Variants in KLRG2 observed in about 807,000 individuals in gnomAD.
KLRG2 encodes killer cell lectin-like receptor subfamily G member 2.
Under a neutral mutation model 35.4 loss-of-function variants are expected in KLRG2, and 39 were observed. That is an observed-to-expected ratio of 1.10 (90% CI 0.85 to 1.44). The LOEUF is 1.44. KLRG2 is among the 40% of genes most tolerant of loss of function. The pLI, the probability that KLRG2 is intolerant of heterozygous loss-of-function variation, is 0.00. For missense variants in KLRG2, 632 were observed against 570.9 expected, an observed-to-expected ratio of 1.11 and a Z score of -1.09; for synonymous variants, 283 against 265.8, an observed-to-expected ratio of 1.06 and a Z score of -0.63.
the KLRG2 span, among the ~76,000 whole-genome samples, chr7:139,430,098 CATT>C: frequency 1.3e-5 from 2 of 152,164 alleles, no homozygotes; most frequent in Non-Finnish European, 2.9e-5. Flanking sequence ...CATCATTGCT[CATT>C]ATGAAATGAA....
Position 139,479,616 on chromosome 7 carries a change from C to A in KLRG2, c.1005+11G>T. The A allele has an allele frequency of 6.2e-7, 1 of 1,610,098 alleles. No individual in the cohort carries two copies. The highest frequency in any genetic ancestry group is 8.5e-7 in the Non-Finnish European group (1 of 1,179,474). On this transcript the variant is annotated intron_variant, in intron 3 of 4. Transcript: ENST00000340940. ...ATCTGTACCCCCTTAGATTGGACAC[C>A]CCCTTCTCACCTGGGTGTGGCTTAG...
In KLRG2 at chr7:139,483,281, G is replaced by C; in HGVS notation, c.362C>G (p.Pro121Arg). ...GCGCACATCTACCTGCAGCTCCATG[G>C]GCGCCCAGGCGCTGGGCGCAGGCTC... is the stretch of plus-strand genomic sequence containing the variant. ...GAEPAPSAWA[P>R]MELQVDVRVK... Residue 121 changes from proline (P) to arginine (R), a missense_variant, in exon 1 of 5, where the codon CCC (proline) becomes CGC (arginine). Transcript: ENST00000340940. The C allele has an allele frequency of 3.8e-6, 6 of 1,558,766 alleles. No individual in the cohort carries two copies. The highest frequency in any genetic ancestry group is 5.2e-6 in the Non-Finnish European group (6 of 1,163,902).
chr7:139,443,414 A>C, the KLRG2 span, among the ~76,000 whole-genome samples: 2 of 152,184 alleles, frequency 1.3e-5, no homozygotes, highest in African/African-American at 4.8e-5. Context: ...AAATAAAATA[A>C]GGCAAGAGGG....
chr7:139,447,338 C>G, the KLRG2 span, among the ~76,000 whole-genome samples: 1 of 152,018 alleles, frequency 6.6e-6, no homozygotes, highest in Non-Finnish European at 1.5e-5. Context: ...TGGCCTATTA[C>G]TCCTAAGCCA....
intron 3 of KLRG2, among the ~76,000 whole-genome samples, chr7:139,476,838 C>T (rs1478228002): frequency 6.6e-6 from 1 of 152,164 alleles, no homozygotes; most frequent in Non-Finnish European, 1.5e-5. Flanking sequence ...TCTCGTAGCA[C>T]TGTGCACCGT....
intron 3 of KLRG2, among the ~76,000 whole-genome samples, chr7:139,470,841 CT>C (rs879394340): frequency 4.5e-3 from 637 of 141,280 alleles, no homozygotes; most frequent in Middle Eastern, 7.3e-3. Flanking sequence ...CAGCACATTC[CT>C]TTTTTTTTTT....
At chr7:139,458,051 T>G (rs562606915) in intron 3 of KLRG2, among the ~76,000 whole-genome samples, 16 of 152,198 alleles carry the variant, frequency 1.1e-4, no homozygotes, top group Admixed American at 1.0e-3. Flanking sequence ...TTGTTTCCTA[T>G]GCCTTCATAC....
intron 1 of KLRG2, among the ~76,000 whole-genome samples, chr7:139,481,331 AT>A (rs1036873435): frequency 1.3e-5 from 2 of 152,208 alleles, no homozygotes; most frequent in African/African-American, 4.8e-5. Context: ...GTTTGTGGTA[AT>A]TTGTTACAAC....
chr7:139,461,902 CA>C (rs1796575638), intron 3 of KLRG2, among the ~76,000 whole-genome samples: 1 of 152,168 alleles, frequency 6.6e-6, no homozygotes, highest in Non-Finnish European at 1.5e-5. Flanking sequence ...CTTGGGAGAT[CA>C]ATCCCCTGTC....
chr7:139,455,679 G>T (rs1305227115), intron 3 of KLRG2, among the ~76,000 whole-genome samples: 1 of 152,160 alleles, frequency 6.6e-6, no homozygotes, highest in Non-Finnish European at 1.5e-5. Flanking sequence ...GTGGGGACGT[G>T]GTGGAGGGGG....
At chr7:139,470,068 T>C (rs947102852) in intron 3 of KLRG2, among the ~76,000 whole-genome samples, 1 of 152,064 alleles carries the variant, frequency 6.6e-6, no homozygotes, top group Non-Finnish European at 1.5e-5. Flanking sequence ...CAATTCTTTT[T>C]TTTTTTTTTG....
intron 3 of KLRG2, among the ~76,000 whole-genome samples, chr7:139,468,645 C>T (rs1018556597): frequency 3.9e-5 from 6 of 152,110 alleles, no homozygotes; most frequent in Non-Finnish European, 5.9e-5. Context: ...TTCACACGGA[C>T]GTGAGTGAAA....
At chr7:139,434,941 A>G in the KLRG2 span, among the ~76,000 whole-genome samples, 1 of 152,188 alleles carries the variant, frequency 6.6e-6, no homozygotes, top group Non-Finnish European at 1.5e-5. Flanking sequence ...CTTCACAACA[A>G]TAAATCTATA....
chr7:139,448,149 C>A (rs1309874661), downstream of KLRG2, among the ~76,000 whole-genome samples: 3 of 152,180 alleles, frequency 2.0e-5, no homozygotes, highest in East Asian at 5.8e-4. Context: ...CTGGGGGCCA[C>A]CACGCCCAGC....
At chr7:139,472,630 A>C (rs1413136727) in intron 3 of KLRG2, among the ~76,000 whole-genome samples, 1 of 151,998 alleles carries the variant, frequency 6.6e-6, no homozygotes, top group East Asian at 1.9e-4. Flanking sequence ...GAGAAACATC[A>C]ACATTTTGGA....
the KLRG2 span, among the ~76,000 whole-genome samples, chr7:139,439,546 C>CCG: frequency 6.6e-6 from 1 of 152,192 alleles, no homozygotes; most frequent in Admixed American, 6.5e-5. Flanking sequence ...AGCAGAGCAG[C>CCG]CGACACTCAT....
Position 139,483,173 on chromosome 7 carries a change from T to C in KLRG2, c.470A>G (p.Glu157Gly). ...CGCGTGGCGGGAGAAGGCAGGGGACTCGGGCACCGGCACCTTGAGGAAGCG... is the reference window on the plus strand; with the variant it reads ...CGCGTGGCGGGAGAAGGCAGGGGACCCGGGCACCGGCACCTTGAGGAAGCG... ...STRFLKVPVP[E>G]SPAFSRHADP... The change falls in exon 1 of 5, where the codon GAG (glutamate) becomes GGG (glycine). Residue 157 changes from glutamate to glycine, a missense_variant. By Grantham distance (98) the Glu-to-Gly change is moderately conservative. Transcript: ENST00000340940. 2 of 1,503,862 alleles carry C rather than the reference T, an allele frequency of 1.3e-6. No homozygotes were observed. Among genetic ancestry groups the C allele is most frequent in the Non-Finnish European group, 1.8e-6 (2 of 1,133,764 alleles). The allele number at this position is 1,503,862 out of a possible 1,614,324, so 93.2% of individuals were successfully genotyped here. A position where few individuals can be genotyped will look rare whatever the true frequency, so the allele number is the denominator to read the frequency against.
chr7:139,449,781 G>C (rs1175949776), downstream of KLRG2, among the ~76,000 whole-genome samples: 2 of 134,324 alleles, frequency 1.5e-5, no homozygotes, highest in Non-Finnish European at 3.1e-5. Context: ...CTCACTGCAA[G>C]CTCCACCTGC....
the KLRG2 span, among the ~76,000 whole-genome samples, chr7:139,445,302 G>A: frequency 2.6e-5 from 4 of 152,078 alleles, no homozygotes; most frequent in African/African-American, 9.7e-5. Context: ...GGCTGGTCTC[G>A]AACCCCTGAC....
Sources: allele counts gnomAD v4.1 joint callset (sites outside exome capture counted in the v4.1 genomes callset), GRCh38; gene constraint gnomAD v4.1.1; transcripts MANE v1.5; gene names NCBI Gene and HGNC (gene_info 2026-07-23, HGNC 2026-07-21).